ERC2: variants seen among roughly 807,000 people sequenced by gnomAD.
The protein encoded by ERC2 is ELKS/RAB6-interacting/CAST family member 2, also known as ERC protein 2.
A neutral mutation model predicts 114.8 loss-of-function variants in ERC2; 42 were observed. The observed-to-expected ratio is 0.37, with a 90% CI of 0.29 to 0.47. The LOEUF is 0.47. Ranked by LOEUF, ERC2 falls within the 20% of genes least tolerant of loss-of-function variation. The pLI is 0.99. For missense variants in ERC2, 939 were observed against 1,150.7 expected, an observed-to-expected ratio of 0.82 and a Z score of 2.66; for synonymous variants, 454 against 425.5, an observed-to-expected ratio of 1.07 and a Z score of -0.82.
In ERC2 at chr3:55,974,668, A is replaced by G. The variant is rs79202583; in HGVS notation, c.2267+11309T>C. On this transcript the variant is annotated intron_variant, in intron 12 of 17. Transcript: ENST00000288221. ...TCTTCCCCCATCTCTGCCGTCCACGATCCTTGAAGCGCATCCAGAGCTGAC... is the reference window on the plus strand; with the variant it reads ...TCTTCCCCCATCTCTGCCGTCCACGGTCCTTGAAGCGCATCCAGAGCTGAC... 4.7e-3 allele frequency among the ~76,000 whole-genome samples: 716 copies of G among 152,244 alleles called. 6 individuals carry two copies. Among genetic ancestry groups the G allele is most frequent in the African/African-American group, 0.016 (685 of 41,542 alleles).
intron 7 of ERC2, among the ~76,000 whole-genome samples, chr3:56,047,880 A>G (rs1415504867): frequency 2.0e-5 from 3 of 152,118 alleles, no homozygotes; most frequent in Non-Finnish European, 4.4e-5. Flanking sequence ...CCATGTTCAC[A>G]TTCAGTCAGT....
chr3:55,544,097 C>T (rs547601048), intron 17 of ERC2, among the ~76,000 whole-genome samples: 16 of 152,290 alleles, frequency 1.1e-4, no homozygotes, highest in African/African-American at 3.8e-4. Flanking sequence ...GGAGAGGCTA[C>T]CGATGGGGAT....
intron 3 of ERC2, among the ~76,000 whole-genome samples, chr3:56,188,644 A>C (rs2083786701): frequency 6.6e-6 from 1 of 152,136 alleles, no homozygotes; most frequent in African/African-American, 2.4e-5. Context: ...CATTTCAAAC[A>C]CTTGTCTGTA....
At chr3:56,265,371 T>C (rs2053224277) in intron 3 of ERC2, among the ~76,000 whole-genome samples, 1 of 152,176 alleles carries the variant, frequency 6.6e-6, no homozygotes, top group Admixed American at 6.5e-5. Flanking sequence ...GTGTCTTCAA[T>C]AAATGCTATT....
At chr3:55,601,898 G>A (rs1398752462) in intron 17 of ERC2, among the ~76,000 whole-genome samples, 3 of 152,364 alleles carry the variant, frequency 2.0e-5, no homozygotes, top group South Asian at 4.1e-4. Context: ...AAGGGATCCA[G>A]ATGCCAGAGT....
intron 3 of ERC2, among the ~76,000 whole-genome samples, chr3:56,235,415 A>G (rs1274677518): frequency 1.3e-5 from 2 of 152,250 alleles, no homozygotes; most frequent in African/African-American, 4.8e-5. Context: ...ATGAATACAC[A>G]TGGGCAAGGC....
At chr3:56,436,445 T>A (rs570499110) in intron 1 of ERC2, among the ~76,000 whole-genome samples, 5 of 152,324 alleles carry the variant, frequency 3.3e-5, no homozygotes, top group African/African-American at 9.6e-5. Context: ...TACATGGGTA[T>A]CTTTTATTTT....
intron 13 of ERC2, among the ~76,000 whole-genome samples, chr3:55,911,994 G>A (rs2064838801): frequency 6.6e-6 from 1 of 152,174 alleles, no homozygotes; most frequent in Non-Finnish European, 1.5e-5. Context: ...GGGGCATGCA[G>A]ACAGCTGAAA....
intron 3 of ERC2, among the ~76,000 whole-genome samples, chr3:56,263,637 C>T (rs968760002): frequency 2.0e-5 from 3 of 152,126 alleles, no homozygotes; most frequent in Non-Finnish European, 2.9e-5. Flanking sequence ...TCTGACCAAA[C>T]CAATAACAAA....
chr3:55,684,163 A>G (rs553174679), intron 16 of ERC2, among the ~76,000 whole-genome samples: 1 of 152,282 alleles, frequency 6.6e-6, no homozygotes, highest in South Asian at 2.1e-4. Context: ...GCAGATGATT[A>G]TTTTTTTGGA....
Position 55,995,883 on chromosome 3 carries a change from A to G in ERC2, c.2062-3633T>C, listed in dbSNP as rs576097356. Among the ~76,000 whole-genome samples the G allele has an allele frequency of 2.0e-5, 3 of 152,332 alleles. No homozygotes were observed. The East Asian group carries it at 5.8e-4, about 29-fold the overall frequency. On this transcript the variant is annotated intron_variant, in intron 10 of 17. Transcript: ENST00000288221. Reference sequence around the variant, plus strand: ...TAAAGCCAATGCTTCCTTCAAAATTATGAGTCCTGAGCTTCCTCCAAAAAT... The same window carrying G: ...TAAAGCCAATGCTTCCTTCAAAATTGTGAGTCCTGAGCTTCCTCCAAAAAT...
chr3:56,216,430 G>A (rs13095935), intron 3 of ERC2, among the ~76,000 whole-genome samples: 134,450 of 152,206 alleles, frequency 0.88, 60,645 homozygotes, highest in East Asian at 1. Flanking sequence ...ACACCCTTCC[G>A]AGACCAAACC....
intron 7 of ERC2, among the ~76,000 whole-genome samples, chr3:56,062,717 C>A (rs2076296178): frequency 6.6e-6 from 1 of 152,040 alleles, no homozygotes; most frequent in Non-Finnish European, 1.5e-5. Context: ...CATTAGTATA[C>A]CACCAGAATT....
At chr3:56,212,970 C>A (rs1575856833) in intron 3 of ERC2, among the ~76,000 whole-genome samples, 1 of 152,114 alleles carries the variant, frequency 6.6e-6, no homozygotes, top group Non-Finnish European at 1.5e-5. Context: ...TAAGTGGGAG[C>A]TAAGCTGTGA....
At chr3:56,358,559 C>G (rs2058830222) in intron 2 of ERC2, among the ~76,000 whole-genome samples, 1 of 152,242 alleles carries the variant, frequency 6.6e-6, no homozygotes, top group South Asian at 2.1e-4. Flanking sequence ...CAACTATCAC[C>G]TAACTGACCA....
intron 2 of ERC2, among the ~76,000 whole-genome samples, chr3:56,356,876 C>T (rs1490905739): frequency 1.3e-5 from 2 of 152,282 alleles, no homozygotes; most frequent in South Asian, 2.1e-4. Context: ...TCACTACCCC[C>T]ACTTTATTGA....
At chr3:55,852,144 C>T (rs1478141173) in intron 14 of ERC2, among the ~76,000 whole-genome samples, 4 of 152,176 alleles carry the variant, frequency 2.6e-5, no homozygotes, top group South Asian at 2.1e-4. Flanking sequence ...TGCTTGTACC[C>T]GGGAGGCGGA....
intron 17 of ERC2, among the ~76,000 whole-genome samples, chr3:55,600,115 T>C (rs1184217591): frequency 2.0e-5 from 3 of 152,130 alleles, no homozygotes; most frequent in Non-Finnish European, 4.4e-5. Flanking sequence ...GCTGTAATCT[T>C]GTGAAGTTAT....
chr3:55,875,724 A>ACACACACACACACTCTCT (rs1491351730), intron 14 of ERC2, among the ~76,000 whole-genome samples: 20 of 141,022 alleles, frequency 1.4e-4, no homozygotes, highest in African/African-American at 4.4e-4. Context: ...ACACACACAC[A>ACACACACACACACTCTCT]CTCTCTCTCT....
Sources: allele counts gnomAD v4.1 joint callset (sites outside exome capture counted in the v4.1 genomes callset), GRCh38; gene constraint gnomAD v4.1.1; transcripts MANE v1.5; gene names NCBI Gene and HGNC (gene_info 2026-07-23, HGNC 2026-07-21).